The following SLC36A1 variants were observed in gnomAD, a reference collection of about 807,000 sequenced individuals.
The protein encoded by SLC36A1 is solute carrier family 36 member 1, also known as proton-coupled amino acid transporter 1.
Under a neutral mutation model 47.5 loss-of-function variants are expected in SLC36A1, and 30 were observed. That is an observed-to-expected ratio of 0.63 (90% CI 0.47 to 0.86). The LOEUF is 0.86. Ranked by LOEUF, SLC36A1 falls within the 40% of genes least tolerant of loss-of-function variation. The probability of loss-of-function intolerance (pLI) is 0.00; values close to 1 mark genes in which losing one functional copy is unlikely to be tolerated. For synonymous variants in SLC36A1, 255 were observed against 249.7 expected (o/e 1.02, Z -0.20); for missense variants, 517 against 606.0 (o/e 0.85, Z 1.54).
chr5:151,551,368 A>G, the SLC36A1 span: 1 of 1,270,974 alleles, frequency 7.9e-7, no homozygotes, highest in South Asian at 1.4e-5. Flanking sequence ...GTGTTCCTTG[A>G]GGAACACCAC....
At chr5:151,361,360 GAACA>G in the SLC36A1 span, among the ~76,000 whole-genome samples, 1 of 152,168 alleles carries the variant, frequency 6.6e-6, no homozygotes, top group Admixed American at 6.5e-5. Context: ...TTATTGAGCT[GAACA>G]AACAACTCGA....
At chr5:151,537,953 A>G in the SLC36A1 span, 3 of 1,613,286 alleles carry the variant, frequency 1.9e-6, no homozygotes, top group Admixed American at 3.3e-5. Context: ...GAAGCTAGAG[A>G]TGGAAAGACA....
chr5:151,435,669 G>A (rs1288307609), upstream of SLC36A1, among the ~76,000 whole-genome samples: 5 of 151,766 alleles, frequency 3.3e-5, no homozygotes, highest in African/African-American at 1.2e-4. Context: ...CTAGGGTATG[G>A]CTAGAGAATA....
chr5:151,379,304 C>T, the SLC36A1 span, among the ~76,000 whole-genome samples: 4 of 152,190 alleles, frequency 2.6e-5, no homozygotes, highest in African/African-American at 9.6e-5. Context: ...TTTTTTCCTA[C>T]TTTAATTGAA....
rs1483188792 is a variant in SLC36A1 at position 151,447,762 on chromosome 5, C to T, written c.-57C>T. ...CTGGCTGCCGGCTGGCGGCGCTCGC[C>T]GCCTTGGGCAGGACCCACCTCGCCT... On this transcript the variant is annotated 5_prime_UTR_variant, in exon 1 of 11. Coordinates refer to ENST00000243389, the MANE Select transcript of SLC36A1 (RefSeq NM_078483.4). 1 of 152,374 alleles carries T rather than the reference C, an allele frequency of 6.6e-6. No individual in the cohort carries two copies. Among genetic ancestry groups the T allele is most frequent in the African/African-American group, 2.4e-5 (1 of 41,470 alleles). 9.4% of individuals were successfully genotyped at this position (152,374 alleles called of 1,614,324 possible).
chr5:151,389,365 G>A, the SLC36A1 span, among the ~76,000 whole-genome samples: 26 of 151,746 alleles, frequency 1.7e-4, no homozygotes, highest in Non-Finnish European at 2.2e-4. Flanking sequence ...AATGCCTCCC[G>A]TCCCCTGGTA....
At chr5:151,483,831 T>C (rs190000489) in intron 10 of SLC36A1, among the ~76,000 whole-genome samples, 11 of 152,310 alleles carry the variant, frequency 7.2e-5, no homozygotes, top group Non-Finnish European at 1.6e-4. Context: ...TCTTGCCCTC[T>C]GCAGTGTCAC....
At position 151,479,344 on chromosome 5, in the gene SLC36A1, G is replaced by C. The variant is rs775040276; in HGVS notation, c.1014G>C (p.Leu338=). 6.2e-7 allele frequency: 1 copy of C among 1,614,172 alleles called. No individual in the cohort carries two copies. Among genetic ancestry groups the C allele is most frequent in the East Asian group, 2.2e-5 (1 of 44,886 alleles). The change falls in exon 10 of 11, where the codon CTG becomes CTC. Residue 338 remains leucine (L), a synonymous_variant. Coordinates refer to ENST00000243389, the MANE Select transcript of SLC36A1 (RefSeq NM_078483.4). ...GGTTGTACCAGTCAGTTAAGCTGCT[G>C]TACTCCATCGGGATCTTTTTCACCT... ...NCWLYQSVKL[L]YSIGIFFTYA...
upstream of SLC36A1, among the ~76,000 whole-genome samples, chr5:151,435,447 C>T (rs1415663714): frequency 6.6e-6 from 1 of 151,820 alleles, no homozygotes; most frequent in Non-Finnish European, 1.5e-5. Flanking sequence ...AATAAAGAAC[C>T]CAAGAGAGGT....
the SLC36A1 span, among the ~76,000 whole-genome samples, chr5:151,539,702 A>G: frequency 1.3e-5 from 2 of 152,226 alleles, no homozygotes; most frequent in African/African-American, 2.4e-5. Context: ...GTTAAAAACT[A>G]CTTACTGTGT....
chr5:151,541,678 C>T, the SLC36A1 span, among the ~76,000 whole-genome samples: 1 of 152,350 alleles, frequency 6.6e-6, no homozygotes, highest in East Asian at 1.9e-4. Context: ...TTTAGTTTTA[C>T]AGTAGGTATC....
chr5:151,413,336 G>GT, the SLC36A1 span, among the ~76,000 whole-genome samples: 4,936 of 151,222 alleles, frequency 0.033, 244 homozygotes, highest in African/African-American at 0.11. Context: ...TCTTTACAGA[G>GT]TTTTTTTGTA....
chr5:151,386,063 G>A, the SLC36A1 span, among the ~76,000 whole-genome samples: 1 of 151,754 alleles, frequency 6.6e-6, no homozygotes, highest in Non-Finnish European at 1.5e-5. Context: ...ATTTTTAGTA[G>A]AGATGGGGGT....
chr5:151,553,226 C>A, the SLC36A1 span: 20 of 1,614,260 alleles, frequency 1.2e-5, no homozygotes, highest in Non-Finnish European at 1.7e-5. Flanking sequence ...CGCTGATGAC[C>A]CCCACCATGT....
the SLC36A1 span, among the ~76,000 whole-genome samples, chr5:151,424,544 A>G: frequency 1.3e-5 from 2 of 152,210 alleles, no homozygotes; most frequent in African/African-American, 4.8e-5. Context: ...CTCATTTTGC[A>G]TGAAATAAAT....
chr5:151,484,439 G>C (rs1004067910), intron 10 of SLC36A1, among the ~76,000 whole-genome samples: 5 of 152,210 alleles, frequency 3.3e-5, no homozygotes, highest in African/African-American at 1.2e-4. Context: ...CCATCGCTTT[G>C]CTGTGCCACC....
chr5:151,416,000 G>C, the SLC36A1 span, among the ~76,000 whole-genome samples: 1 of 152,184 alleles, frequency 6.6e-6, no homozygotes, highest in Non-Finnish European at 1.5e-5. Flanking sequence ...CCAGCTACTG[G>C]GGAGCTGACG....
chr5:151,520,513 C>G, the SLC36A1 span, among the ~76,000 whole-genome samples: 3 of 152,310 alleles, frequency 2.0e-5, no homozygotes, highest in Non-Finnish European at 4.4e-5. Flanking sequence ...GTGTGGCGTA[C>G]AGCAGGCTCC....
chr5:151,514,865 C>G, the SLC36A1 span, among the ~76,000 whole-genome samples: 1 of 152,206 alleles, frequency 6.6e-6, no homozygotes, highest in Non-Finnish European at 1.5e-5. Flanking sequence ...ATTCTCCTTC[C>G]TCTTTCTTAC....
Sources: allele counts gnomAD v4.1 joint callset (sites outside exome capture counted in the v4.1 genomes callset), GRCh38; gene constraint gnomAD v4.1.1; transcripts MANE v1.5; gene names NCBI Gene and HGNC (gene_info 2026-07-23, HGNC 2026-07-21).